The following IGSF9 variants were observed in gnomAD, a reference collection of about 807,000 sequenced individuals.
IGSF9 encodes the protein protein turtle homolog A.
IGSF9 carries 87 observed loss-of-function variants against 121.7 expected under a neutral mutation model. The ratio of observed to expected loss-of-function variants is 0.71; its 90% CI spans 0.60 to 0.85. The LOEUF (loss-of-function observed/expected upper bound fraction) is 0.85. Ranked by LOEUF, IGSF9 falls within the 40% of genes least tolerant of loss-of-function variation. The probability of loss-of-function intolerance (pLI) is 0.00; values close to 1 mark genes in which losing one functional copy is unlikely to be tolerated. For missense variants in IGSF9, 1,462 were observed against 1,565.3 expected, an observed-to-expected ratio of 0.93 and a Z score of 1.11; for synonymous variants, 640 against 648.4, an observed-to-expected ratio of 0.99 and a Z score of 0.20.
chr1:159,940,037 G>A (rs1321929188), intron 3 of IGSF9, among the ~76,000 whole-genome samples: 1 of 152,238 alleles, frequency 6.6e-6, no homozygotes, highest in Non-Finnish European at 1.5e-5. Context: ...AAGATTGAGT[G>A]TGGAATACAG....
intron 9 of IGSF9, chr1:159,933,433 A>C (rs945217564): frequency 2.0e-5 from 3 of 152,300 alleles, no homozygotes; most frequent in Non-Finnish European, 4.4e-5. Flanking sequence ...AGGCCTCAAA[A>C]ATTTATAGTC....
Position 159,932,152 on chromosome 1 carries a change from G to A in IGSF9, c.1246-224C>T. 1.8e-6 allele frequency: 1 copy of A among 568,348 alleles called. No homozygotes were observed. Among genetic ancestry groups the A allele is most frequent in the Non-Finnish European group, 3.1e-6 (1 of 322,620 alleles). 35.2% of individuals were successfully genotyped at this position (568,348 alleles called of 1,614,324 possible). The stretch of plus-strand genomic sequence containing the variant: ...GGGTAGGGGCTGGAGGAAAATGGTG[G>A]TGTAGTAAGGGCTGGCAGGCTTAGG... On this transcript the variant is annotated intron_variant, in intron 10 of 20. Transcript: ENST00000368094. The surrounding 1 kb of genome is among the most constrained non-coding windows in gnomAD (Gnocchi z 4.1).
Position 159,931,247 on chromosome 1 carries a change from C to T in IGSF9, c.1528G>A (p.Val510Ile), listed in dbSNP as rs1250017615. 1 of 1,614,134 alleles carries T rather than the reference C, an allele frequency of 6.2e-7. No individual in the cohort carries two copies. The highest frequency in any genetic ancestry group is 8.5e-7 in the Non-Finnish European group (1 of 1,179,996). ...NVYVLGTSPH[V>I]VTNVSVVALP... ...GCCACCACGGACACATTGGTGACAA[C>T]ATGAGGGCTAGTGCCTAGGCAGGGG... Residue 510 changes from valine to isoleucine, a missense_variant, in exon 13 of 21, where the codon GTT (valine) becomes ATT (isoleucine). Transcript: ENST00000368094. This position sits in a 1 kb window ranked among gnomAD's most constrained non-coding sequence, Gnocchi z 4.8.
At position 159,932,036 on chromosome 1, in the gene IGSF9, C is replaced by T. The variant is rs1345379336; in HGVS notation, c.1246-108G>A. 2 of 684,252 alleles carry T rather than the reference C, an allele frequency of 2.9e-6. No individual in the cohort carries two copies. Among genetic ancestry groups the T allele is most frequent in the Non-Finnish European group, 5.1e-6 (2 of 395,674 alleles). The allele number at this position is 684,252 out of a possible 1,614,324, so 42.4% of individuals were successfully genotyped here. A position where few individuals can be genotyped will look rare whatever the true frequency, so the allele number is the denominator to read the frequency against. On this transcript the variant is annotated intron_variant, in intron 10 of 20. Transcript: ENST00000368094. The surrounding 1 kb of genome is among the most constrained non-coding windows in gnomAD (Gnocchi z 4.1). Reference sequence around the variant, plus strand: ...CCATGTCTCACCTCACTCTCCCTCACTCCCCCTAGCTAAACACTCACCAAG... The same window carrying T: ...CCATGTCTCACCTCACTCTCCCTCATTCCCCCTAGCTAAACACTCACCAAG...
rs1382576164 is a variant in IGSF9, at chr1:159,931,104, T to TGGCAC, written c.1637+29_1637+33dup. The TGGCAC allele has an allele frequency of 6.2e-7, 1 of 1,613,856 alleles. No homozygotes were observed. Among genetic ancestry groups the TGGCAC allele is most frequent in the East Asian group, 2.2e-5 (1 of 44,880 alleles). On this transcript the variant is annotated intron_variant, in intron 13 of 20. Transcript: ENST00000368094. This position sits in a 1 kb window ranked among gnomAD's most constrained non-coding sequence, Gnocchi z 4.8. Reference sequence around the variant, plus strand: ...AGGAGGAGAGGAAAGGAGGCAAGATTGGCACAGAGAAATGGCAGGAGCAGG... The same window carrying TGGCAC: ...AGGAGGAGAGGAAAGGAGGCAAGATTGGCACGGCACAGAGAAATGGCAGGAGCAGG...
rs199619234 is a variant in IGSF9, at chr1:159,928,630, G to A, written c.2758C>T (p.Pro920Ser). The change falls in exon 19 of 21, where the codon CCT (proline) becomes TCT (serine). Residue 920 changes from proline to serine, a missense_variant. Physicochemically the swap from Pro to Ser is moderately conservative, Grantham distance 74. Transcript: ENST00000368094. ...CTCAGGTACTGGAGCAGGGGTCCAG[G>A]ACCTGGCAAGGGACTGGGTGGGGCT... ...PAAPPSPLPG[P>S]GPLLQYLSLP... 708 of 1,488,578 alleles carry A rather than the reference G, an allele frequency of 4.8e-4. No homozygotes were observed. Among genetic ancestry groups the A allele is most frequent in the South Asian group, 1.6e-3 (117 of 71,618 alleles). The allele number at this position is 1,488,578 out of a possible 1,614,324, so 92.2% of individuals were successfully genotyped here.
In IGSF9 at chr1:159,943,096, C is replaced by A; in HGVS notation, c.114G>T (p.Val38=). 6.2e-7 allele frequency: 1 copy of A among 1,610,876 alleles called. No homozygotes were observed. ...SVVGRAGESV[V]LGCDLLPPAG... Reference sequence around the variant, plus strand: ...CCGGGGGCAGCAGGTCACAGCCCAGCACCACACTCTCCCCAGCCCGGCCCA... The same window carrying A: ...CCGGGGGCAGCAGGTCACAGCCCAGAACCACACTCTCCCCAGCCCGGCCCA... The change falls in exon 3 of 21, where the codon GTG becomes GTT. Residue 38 remains valine, a synonymous_variant. Coordinates refer to ENST00000368094, the MANE Select transcript of IGSF9 (RefSeq NM_001135050.2).
In IGSF9 at chr1:159,930,393, T is replaced by C. The variant is rs756666746; in HGVS notation, c.1860A>G (p.Ile620Met). 2 of 1,570,472 alleles carry C rather than the reference T, an allele frequency of 1.3e-6. No individual in the cohort carries two copies. Among genetic ancestry groups the C allele is most frequent in the South Asian group, 1.2e-5 (1 of 85,196 alleles). The stretch of plus-strand genomic sequence containing the variant: ...CCCGCGGAGGGGACAGGGGAGGCGG[T>C]ATCTCTGTTGGGGGAAGCCCGGGTG... ...PAAPGLPPTE[I>M]PPPLSPPRGL... The change falls in exon 15 of 21, where the codon ATA becomes ATG. Residue 620 changes from isoleucine to methionine, a missense_variant. This residue lies in a region of IGSF9 where 808 missense variants were observed against 815.2 expected (regional missense o/e 0.99). Transcript: ENST00000368094.
rs1157869425 is a variant in IGSF9 at position 159,934,703 on chromosome 1, T to C, written c.793A>G (p.Asn265Asp). ...CACCTAATGTGGAAGACATTGATGTTGTCCTGGAACCAGCTGTAGGTGAGG... is the reference window on the plus strand; with the variant it reads ...CACCTAATGTGGAAGACATTGATGTCGTCCTGGAACCAGCTGTAGGTGAGG... ...ANLTYSWFQD[N>D]INVFHISRLQ... The change falls in exon 7 of 21, where the codon AAC becomes GAC. Residue 265 changes from asparagine (N) to aspartate (D), a missense_variant. By Grantham distance (23) the Asn-to-Asp change is conservative (BLOSUM62 1). This residue lies in a region of IGSF9 where 558 missense variants were observed against 599.4 expected (regional missense o/e 0.93). Coordinates refer to ENST00000368094, the MANE Select transcript of IGSF9 (RefSeq NM_001135050.2). 20 of 1,614,118 alleles carry C rather than the reference T, an allele frequency of 1.2e-5. No homozygotes were observed. The highest frequency in any genetic ancestry group is 1.7e-5 in the Non-Finnish European group (20 of 1,180,040).
intron 9 of IGSF9, chr1:159,933,889 C>T (rs1651089126): frequency 1.7e-5 from 7 of 421,406 alleles, no homozygotes; most frequent in Middle Eastern, 6.8e-4. Flanking sequence ...ACACAATTTC[C>T]CAGTCATCAC....
Position 159,934,514 on chromosome 1 carries a change from G to A in IGSF9, c.872C>T (p.Thr291Ile). ...LVDGSLRLLA[T>I]QPDDAGCYTC... is the part of the protein sequence containing the mutation. ...GTAGCAGCCGGCATCATCAGGCTGG[G>A]TGGCCAGCAGCCGCAGGCTCCCGTC... The change falls in exon 8 of 21, where the codon ACC becomes ATC. Residue 291 changes from threonine to isoleucine, a missense_variant. This residue lies in a region of IGSF9 where 558 missense variants were observed against 599.4 expected (regional missense o/e 0.93). Transcript: ENST00000368094. 2 of 1,613,360 alleles carry A rather than the reference G, an allele frequency of 1.2e-6. No homozygotes were observed. Among genetic ancestry groups the A allele is most frequent in the Non-Finnish European group, 1.7e-6 (2 of 1,179,678 alleles).
In IGSF9 at chr1:159,927,087, C is replaced by CACAT. The variant is rs1196100258; in HGVS notation, c.*257_*258insATGT. 9 of 530,884 alleles carry CACAT rather than the reference C, an allele frequency of 1.7e-5. No individual in the cohort carries two copies. Among genetic ancestry groups the CACAT allele is most frequent in the Non-Finnish European group, 3.0e-5 (9 of 300,906 alleles). The allele number at this position is 530,884 out of a possible 1,614,324, so 32.9% of individuals were successfully genotyped here. On this transcript the variant is annotated 3_prime_UTR_variant, in exon 21 of 21. Transcript: ENST00000368094. The stretch of plus-strand genomic sequence containing the variant: ...ACCTGTAAAAAACTTCACACACACA[C>CACAT]ACACACACACAGAGAGAGAGAGAGA...
Position 159,931,234 on chromosome 1 carries a change from A to G in IGSF9, c.1541T>C (p.Val514Ala), listed in dbSNP as rs746743456. The change falls in exon 13 of 21, where the codon GTG (valine) becomes GCG (alanine). Residue 514 changes from valine to alanine, a missense_variant. Around this residue, in one of 3 missense-constraint regions of IGSF9, gnomAD observed 96 missense variants for 150.7 expected, o/e 0.64. Coordinates refer to ENST00000368094, the MANE Select transcript of IGSF9 (RefSeq NM_001135050.2). The surrounding 1 kb of genome is among the most constrained non-coding windows in gnomAD (Gnocchi z 4.8). ...ACCCTTGGGCAAAGCCACCACGGAC[A>G]CATTGGTGACAACATGAGGGCTAGT... ...LGTSPHVVTN[V>A]SVVALPKGAN... 1 of 1,614,120 alleles carries G rather than the reference A, an allele frequency of 6.2e-7. No homozygotes were observed. The highest frequency in any genetic ancestry group is 1.1e-5 in the South Asian group (1 of 91,082).
At chr1:159,942,032 G>C (rs748418902) in intron 3 of IGSF9, among the ~76,000 whole-genome samples, 2 of 152,232 alleles carry the variant, frequency 1.3e-5, no homozygotes, top group African/African-American at 4.8e-5. Flanking sequence ...GAGGGAAAAG[G>C]TGGGGGTCTC....
chr1:159,943,077 G>T lies in IGSF9; in HGVS notation c.133C>A (p.Pro45Thr), dbSNP rs970250853. 6.2e-7 allele frequency: 1 copy of T among 1,612,634 alleles called. No individual in the cohort carries two copies. The highest frequency in any genetic ancestry group is 1.1e-5 in the South Asian group (1 of 90,886). The change falls in exon 3 of 21, where the codon CCC (proline) becomes ACC (threonine). Residue 45 changes from proline to threonine, a missense_variant. By Grantham distance (38) the Pro-to-Thr change is conservative. Transcript: ENST00000368094. ...TGCAGGGGGGGCCGGCCGGCCGGGGGCAGCAGGTCACAGCCCAGCACCACA... is the reference window on the plus strand; with the variant it reads ...TGCAGGGGGGGCCGGCCGGCCGGGGTCAGCAGGTCACAGCCCAGCACCACA... ...ESVVLGCDLLPPAGRPPLHVI... is the reference protein window; with the variant it reads ...ESVVLGCDLLTPAGRPPLHVI...
chr1:159,936,366 A>G (rs10908750), intron 6 of IGSF9, 33 bp downstream of exon 6: 560,217 of 1,576,888 alleles, frequency 0.36, 101,879 homozygotes, highest in East Asian at 0.49. Context: ...TGCATAGGTA[A>G]CCCTGGACCC....
Position 159,930,239 on chromosome 1 carries a change from G to T in IGSF9, c.2014C>A (p.Pro672Thr). ...TCTGTTTCTGTGCCTGCCACAGCCG[G>T]GTCCAGCACCTCCCAGCCCTGGGAG... ...QGSQGWEVLD[P>T]AVAGTETELL... Residue 672 changes from proline (P) to threonine (T), a missense_variant, in exon 15 of 21, where the codon CCG becomes ACG. Transcript: ENST00000368094. 7 of 1,613,464 alleles carry T rather than the reference G, an allele frequency of 4.3e-6. No individual in the cohort carries two copies. Among genetic ancestry groups the T allele is most frequent in the Non-Finnish European group, 5.9e-6 (7 of 1,179,772 alleles).
At chr1:159,935,869 T>C (rs1427885582) in intron 6 of IGSF9, among the ~76,000 whole-genome samples, 9 of 152,204 alleles carry the variant, frequency 5.9e-5, no homozygotes, top group South Asian at 4.1e-4. Flanking sequence ...TACCCGGCAC[T>C]GCCTTTCTTA....
At chr1:159,934,932 G>C in intron 6 of IGSF9, 110 bp from the exon 7 acceptor site, 1 of 1,297,700 alleles carries the variant, frequency 7.7e-7, no homozygotes, top group African/African-American at 1.5e-5. Context: ...CTTAGGGCTC[G>C]TTGTTACAGG....
Sources: allele counts gnomAD v4.1 joint callset (sites outside exome capture counted in the v4.1 genomes callset), GRCh38; gene constraint gnomAD v4.1.1; regional missense constraint gnomAD v4.1.1; non-coding constraint Gnocchi (gnomAD v3.1); transcripts MANE v1.5; gene names NCBI Gene and HGNC (gene_info 2026-07-23, HGNC 2026-07-21).